Variants in RAB6A observed in about 807,000 individuals in gnomAD.
RAB6A encodes the protein RAB6A, member RAS oncogene family.
RAB6A carries 8 observed loss-of-function variants against 32.3 expected under a neutral mutation model. The ratio of observed to expected loss-of-function variants is 0.25; its 90% CI spans 0.15 to 0.45. The LOEUF (loss-of-function observed/expected upper bound fraction) is 0.45, where lower values mean the gene tolerates loss of function less well. Ranked by LOEUF, RAB6A falls within the 20% of genes least tolerant of loss-of-function variation. RAB6A has a pLI of 1.00. For missense variants in RAB6A, 104 were observed against 249.4 expected (o/e 0.42, Z 3.93); for synonymous variants, 73 against 82.1 (o/e 0.89, Z 0.60).
At chr11:73,698,100 A>G (rs1385065916) in intron 6 of RAB6A, among the ~76,000 whole-genome samples, 1 of 152,194 alleles carries the variant, frequency 6.6e-6, no homozygotes, top group Non-Finnish European at 1.5e-5. Context: ...GCATGCCTAT[A>G]ATCCCAGCTA....
chr11:73,745,977 G>A (rs1457428699), intron 1 of RAB6A, among the ~76,000 whole-genome samples: 2 of 151,748 alleles, frequency 1.3e-5, no homozygotes, highest in Non-Finnish European at 2.9e-5. Flanking sequence ...TCCAGCCTGG[G>A]CAAGAGTGAG....
intron 5 of RAB6A, among the ~76,000 whole-genome samples, chr11:73,707,921 C>T (rs957281169): frequency 4.6e-5 from 7 of 152,050 alleles, no homozygotes; most frequent in Non-Finnish European, 7.4e-5. Context: ...AAACAAAAAA[C>T]GCTTAATAGC....
At chr11:73,746,325 T>C (rs1297536142) in intron 1 of RAB6A, among the ~76,000 whole-genome samples, 1 of 152,058 alleles carries the variant, frequency 6.6e-6, no homozygotes, top group Non-Finnish European at 1.5e-5. Context: ...ATACTACATA[T>C]CAATCAAACA....
At chr11:73,720,264 T>C (rs555284107) in intron 3 of RAB6A, among the ~76,000 whole-genome samples, 60 of 147,320 alleles carry the variant, frequency 4.1e-4, no homozygotes, top group Admixed American at 1.2e-3. Context: ...CACTGCAACC[T>C]CTGCATCCTG....
chr11:73,707,540 C>A (rs1157895765), intron 5 of RAB6A, 27 bp from the exon 6 acceptor site: 2 of 1,496,188 alleles, frequency 1.3e-6, no homozygotes, highest in African/African-American at 1.4e-5. Context: ...AAACTTCTTA[C>A]TTTTGAGACA....
chr11:73,742,094 C>A (rs1334344152), intron 1 of RAB6A, among the ~76,000 whole-genome samples: 3 of 152,020 alleles, frequency 2.0e-5, no homozygotes, highest in Non-Finnish European at 4.4e-5. Flanking sequence ...CCAGCCTGGT[C>A]AATATGGTGA....
intron 1 of RAB6A, among the ~76,000 whole-genome samples, chr11:73,745,994 T>C (rs1321737742): frequency 6.7e-6 from 1 of 149,250 alleles, no homozygotes; most frequent in African/African-American, 2.5e-5. Context: ...TGAGACTCCA[T>C]CTCAAAAAAA....
chr11:73,749,087 T>C lies in RAB6A; in HGVS notation c.70+11479A>G, dbSNP rs146926074. The stretch of plus-strand genomic sequence containing the variant: ...TTGCAGTGAGCCGAGATCACGACAC[T>C]GCACTCCAGCCTCGACAACAGACAA... On this transcript the variant is annotated intron_variant, in intron 1 of 7. Coordinates refer to ENST00000336083, the MANE Select transcript of RAB6A (RefSeq NM_198896.2). 9.2e-5 allele frequency among the ~76,000 whole-genome samples: 14 copies of C among 152,010 alleles called. 1 individual carries two copies. The East Asian group carries it at 2.5e-3, about 27-fold the overall frequency.
chr11:73,747,776 T>C (rs543378768), intron 1 of RAB6A, among the ~76,000 whole-genome samples: 7 of 152,214 alleles, frequency 4.6e-5, no homozygotes, highest in Non-Finnish European at 8.8e-5. Flanking sequence ...AGTTGTTTCA[T>C]GTAATGTTCC....
intron 5 of RAB6A, among the ~76,000 whole-genome samples, chr11:73,708,050 C>A (rs1423041407): frequency 1.3e-5 from 2 of 152,150 alleles, no homozygotes; most frequent in Non-Finnish European, 2.9e-5. Context: ...TTTATATAAC[C>A]ATTCCCAAAC....
chr11:73,706,441 G>A (rs1168179465), intron 6 of RAB6A, among the ~76,000 whole-genome samples: 5 of 151,838 alleles, frequency 3.3e-5, no homozygotes, highest in East Asian at 1.9e-4. Flanking sequence ...GTGAACCTGG[G>A]AGGTGAAGCT....
intron 4 of RAB6A, among the ~76,000 whole-genome samples, chr11:73,717,102 C>T (rs1039594514): frequency 6.6e-6 from 1 of 151,956 alleles, no homozygotes; most frequent in African/African-American, 2.4e-5. Flanking sequence ...GAACATACCT[C>T]TTTTTTTTAA....
At chr11:73,760,164 T>C (rs1946821441) in intron 1 of RAB6A, 2 of 1,220,882 alleles carry the variant, frequency 1.6e-6, no homozygotes, top group East Asian at 5.5e-5. Context: ...CTTCCCTGAG[T>C]GGGCCTCACA....
intron 6 of RAB6A, among the ~76,000 whole-genome samples, chr11:73,684,168 GTTT>G (rs35035887): frequency 2.8e-5 from 4 of 144,388 alleles, no homozygotes; most frequent in Admixed American, 6.9e-5. Flanking sequence ...ATACATTGTT[GTTT>G]TTTTTTTTTT....
At chr11:73,744,286 C>T (rs1406121199) in intron 1 of RAB6A, among the ~76,000 whole-genome samples, 2 of 146,374 alleles carry the variant, frequency 1.4e-5, no homozygotes, top group Admixed American at 7.1e-5. Flanking sequence ...TGCAGTGAGC[C>T]GAGATCGCAC....
chr11:73,681,293 A>C (rs1209193243), intron 6 of RAB6A, among the ~76,000 whole-genome samples: 1 of 152,228 alleles, frequency 6.6e-6, no homozygotes, highest in Non-Finnish European at 1.5e-5. Flanking sequence ...AAATGCTCTG[A>C]GAATACAGAT....
intron 2 of RAB6A, 46 bp from the exon 3 acceptor site, chr11:73,720,945 G>A (rs998341075): frequency 1.0e-5 from 14 of 1,373,532 alleles, no homozygotes; most frequent in Non-Finnish European, 1.3e-5. Context: ...GTTTAATGGT[G>A]GCCAGCAGTT....
At position 73,702,309 on chromosome 11, in the gene RAB6A, T is replaced by C. The variant is rs1258289219; in HGVS notation, c.495+5111A>G. 1.1e-4 allele frequency among the ~76,000 whole-genome samples: 16 copies of C among 152,160 alleles called. 1 individual carries two copies. ...CTGAGTAGCTGGAACTACAGGTGCA[T>C]GCCACCATGCTCAGCTAATTTTCAA... On this transcript the variant is annotated intron_variant, in intron 6 of 7. Coordinates refer to ENST00000336083, the MANE Select transcript of RAB6A (RefSeq NM_198896.2).
chr11:73,691,639 A>T (rs1187112727), intron 6 of RAB6A, among the ~76,000 whole-genome samples: 2 of 152,212 alleles, frequency 1.3e-5, no homozygotes, highest in Admixed American at 1.3e-4. Context: ...AGCTAAAACA[A>T]TAATTAAGGG....
Sources: gnomAD v4.1 joint callset for allele counts (sites outside exome capture counted in the v4.1 genomes callset) on GRCh38, gnomAD v4.1.1 for gene constraint, MANE v1.5 for transcripts, NCBI Gene and HGNC (gene_info 2026-07-23, HGNC 2026-07-21) for gene names.